The following SCHIP1 variants were observed in gnomAD, a reference collection of about 807,000 sequenced individuals.
The protein encoded by SCHIP1 is schwannomin interacting protein 1, also known as schwannomin-interacting protein 1.
In SCHIP1, 8 loss-of-function variants were observed where a neutral mutation model predicts 29.7. The observed-to-expected ratio is 0.27, with a 90% CI of 0.16 to 0.49. The LOEUF is 0.49. Among genes scored for constraint, SCHIP1 ranks in the 20% least tolerant of loss-of-function variants. The pLI is 0.99. For synonymous variants in SCHIP1, 76 were observed against 94.9 expected (o/e 0.80, Z 1.16); for missense variants, 193 against 294.6 (o/e 0.66, Z 2.52).
At chr3:159,793,468 A>G in the SCHIP1 span, among the ~76,000 whole-genome samples, 2 of 152,310 alleles carry the variant, frequency 1.3e-5, no homozygotes, top group East Asian at 1.9e-4. Context: ...GGTTAAAACA[A>G]TACATATTTA....
chr3:159,518,774 T>C, the SCHIP1 span, among the ~76,000 whole-genome samples: 1 of 152,130 alleles, frequency 6.6e-6, no homozygotes, highest in African/African-American at 2.4e-5. Flanking sequence ...CATCTTTCCA[T>C]ATTCCTCCAA....
At chr3:159,345,965 G>A in the SCHIP1 span, among the ~76,000 whole-genome samples, 1 of 152,014 alleles carries the variant, frequency 6.6e-6, no homozygotes, top group Non-Finnish European at 1.5e-5. Flanking sequence ...AGGCTGAAGG[G>A]GGCAGATCAT....
At chr3:159,346,384 A>G in the SCHIP1 span, among the ~76,000 whole-genome samples, 1 of 151,286 alleles carries the variant, frequency 6.6e-6, no homozygotes, top group Non-Finnish European at 1.5e-5. Flanking sequence ...TCTCTGTCCT[A>G]TATTTTACTG....
At chr3:159,673,853 A>T in the SCHIP1 span, among the ~76,000 whole-genome samples, 1 of 152,202 alleles carries the variant, frequency 6.6e-6, no homozygotes, top group Non-Finnish European at 1.5e-5. Flanking sequence ...GGTTTACCAA[A>T]TGCCAACCAT....
chr3:159,278,688 G>A, the SCHIP1 span, among the ~76,000 whole-genome samples: 1 of 152,118 alleles, frequency 6.6e-6, no homozygotes, highest in African/African-American at 2.4e-5. Flanking sequence ...AATTCAAGGG[G>A]TCAATATCAA....
the SCHIP1 span, among the ~76,000 whole-genome samples, chr3:159,556,740 G>A: frequency 7.3e-6 from 1 of 137,848 alleles, no homozygotes; most frequent in African/African-American, 2.7e-5. Context: ...GACACAGGAA[G>A]GGGAACATCA....
At chr3:159,491,488 C>T in the SCHIP1 span, among the ~76,000 whole-genome samples, 1 of 152,196 alleles carries the variant, frequency 6.6e-6, no homozygotes, top group African/African-American at 2.4e-5. Flanking sequence ...GTCCTAGGCC[C>T]ACGGAGCTTC....
chr3:159,801,528 G>C, the SCHIP1 span, among the ~76,000 whole-genome samples: 2 of 152,090 alleles, frequency 1.3e-5, no homozygotes, highest in Non-Finnish European at 2.9e-5. Context: ...TGGACATTTT[G>C]TTATCACTTT....
the SCHIP1 span, among the ~76,000 whole-genome samples, chr3:159,587,977 T>C: frequency 6.6e-6 from 1 of 152,226 alleles, no homozygotes; most frequent in Admixed American, 6.5e-5. Flanking sequence ...CCTTTGGGTA[T>C]ATACCCAGTA....
chr3:159,385,578 A>AC, the SCHIP1 span, among the ~76,000 whole-genome samples: 582 of 20,172 alleles, frequency 0.029, 2 homozygotes, highest in African/African-American at 0.044. Context: ...AAACAAACAA[A>AC]AAAAAAAAAA....
At chr3:159,554,012 GTGTGTGTT>G in the SCHIP1 span, among the ~76,000 whole-genome samples, 127 of 107,910 alleles carry the variant, frequency 1.2e-3, no homozygotes, top group African/African-American at 4.0e-3. Flanking sequence ...GTGTGTGTGT[GTGTGTGTT>G]TGTGTATGTG....
the SCHIP1 span, among the ~76,000 whole-genome samples, chr3:159,787,617 G>A: frequency 5.9e-5 from 9 of 152,050 alleles, no homozygotes; most frequent in East Asian, 1.9e-4. Context: ...TTTGTCATTC[G>A]CCTACTTAAA....
the SCHIP1 span, among the ~76,000 whole-genome samples, chr3:159,606,179 G>A: frequency 2.0e-5 from 3 of 152,136 alleles, no homozygotes; most frequent in East Asian, 1.9e-4. Flanking sequence ...CAGATTTTAC[G>A]GACTAGTACA....
At chr3:159,572,661 C>T in the SCHIP1 span, among the ~76,000 whole-genome samples, 2 of 152,174 alleles carry the variant, frequency 1.3e-5, no homozygotes, top group Non-Finnish European at 2.9e-5. Context: ...AGTTCAATTC[C>T]TGGATATCCG....
the SCHIP1 span, among the ~76,000 whole-genome samples, chr3:159,389,675 T>G: frequency 2.0e-5 from 3 of 151,940 alleles, no homozygotes; most frequent in African/African-American, 7.2e-5. Context: ...GACAGAGAAA[T>G]GTGATTACTC....
At chr3:159,750,893 CCAAA>C in the SCHIP1 span, among the ~76,000 whole-genome samples, 1 of 138,460 alleles carries the variant, frequency 7.2e-6, no homozygotes, top group Non-Finnish European at 1.6e-5. Flanking sequence ...TCTTCATTTT[CCAAA>C]CAAACAAAAA....
chr3:159,757,968 G>A, the SCHIP1 span, among the ~76,000 whole-genome samples: 201 of 152,228 alleles, frequency 1.3e-3, 2 homozygotes, highest in East Asian at 1.4e-3. Context: ...GAAGGCATGC[G>A]GTTTTGGAGA....
At chr3:159,508,357 T>C in the SCHIP1 span, among the ~76,000 whole-genome samples, 6 of 152,338 alleles carry the variant, frequency 3.9e-5, 1 homozygote, top group Non-Finnish European at 7.3e-5. Flanking sequence ...TCTTCTCTCT[T>C]TTCTTCTTTA....
At chr3:159,274,345 C>G in the SCHIP1 span, 1 of 979,382 alleles carries the variant, frequency 1.0e-6, no homozygotes, top group Non-Finnish European at 1.2e-6. Flanking sequence ...GAACAAATGT[C>G]TAGGTATTCT....
Sources: gnomAD v4.1 joint callset for allele counts (sites outside exome capture counted in the v4.1 genomes callset) on GRCh38, gnomAD v4.1.1 for gene constraint, MANE v1.5 for transcripts, NCBI Gene and HGNC (gene_info 2026-07-23, HGNC 2026-07-21) for gene names.